Variants in LRP6 observed in about 807,000 individuals in gnomAD.
LRP6 encodes the protein low-density lipoprotein receptor-related protein 6.
A neutral mutation model predicts 184.1 loss-of-function variants in LRP6; 43 were observed. That is an observed-to-expected ratio of 0.23 (90% CI 0.18 to 0.30). The LOEUF is 0.30. Among genes scored for constraint, LRP6 ranks in the 10% least tolerant of loss-of-function variants. The pLI is 1.00. For missense variants in LRP6, 1,571 were observed against 2,005.3 expected, an observed-to-expected ratio of 0.78 and a Z score of 4.14; for synonymous variants, 719 against 684.9, an observed-to-expected ratio of 1.05 and a Z score of -0.78.
At chr12:12,210,279 A>G (rs1358532063) in intron 2 of LRP6, among the ~76,000 whole-genome samples, 1 of 152,190 alleles carries the variant, frequency 6.6e-6, no homozygotes, top group Non-Finnish European at 1.5e-5. Context: ...GGAATGAGAA[A>G]GGATAGACTA....
intron 2 of LRP6, among the ~76,000 whole-genome samples, chr12:12,233,656 C>T (rs550383151): frequency 1.3e-5 from 2 of 152,232 alleles, no homozygotes; most frequent in Admixed American, 1.3e-4. Flanking sequence ...TTTCAAACAA[C>T]CAACTATAAA....
At chr12:12,266,215 G>T (rs1196996473) in intron 1 of LRP6, among the ~76,000 whole-genome samples, 1 of 152,110 alleles carries the variant, frequency 6.6e-6, no homozygotes, top group Non-Finnish European at 1.5e-5. Context: ...AATAGCAAGA[G>T]GGCTTTAAAA....
At chr12:12,189,697 C>T (rs1863562863) in intron 3 of LRP6, among the ~76,000 whole-genome samples, 1 of 152,104 alleles carries the variant, frequency 6.6e-6, no homozygotes. Flanking sequence ...GATGGGGTTT[C>T]ACCATGTTGA....
At chr12:12,264,049 G>C (rs1865696055) in intron 1 of LRP6, among the ~76,000 whole-genome samples, 1 of 151,908 alleles carries the variant, frequency 6.6e-6, no homozygotes, top group Admixed American at 6.6e-5. Context: ...GATGAAGCAG[G>C]AGGATCACTT....
chr12:12,151,284 C>T (rs928105375), intron 12 of LRP6, among the ~76,000 whole-genome samples: 3 of 152,078 alleles, frequency 2.0e-5, no homozygotes, highest in African/African-American at 7.2e-5. Context: ...CTGTTTTTCT[C>T]CATCTTGTCC....
chr12:12,155,314 CT>C, intron 12 of LRP6: 2 of 756,780 alleles, frequency 2.6e-6, no homozygotes, highest in Non-Finnish European at 4.8e-6. Flanking sequence ...TTCTCTAGGC[CT>C]TTTAGAAAGC....
At chr12:12,144,168 G>C (rs1170781138) in intron 15 of LRP6, among the ~76,000 whole-genome samples, 3 of 152,186 alleles carry the variant, frequency 2.0e-5, no homozygotes, top group Non-Finnish European at 4.4e-5. Context: ...TATCTAGAAT[G>C]TACAAAGAAT....
chr12:12,257,536 A>C (rs193247635), intron 1 of LRP6, among the ~76,000 whole-genome samples: 5,954 of 147,360 alleles, frequency 0.04, 167 homozygotes, highest in Middle Eastern at 0.16. Context: ...AGCCGAGATC[A>C]CGCCACTGCA....
At chr12:12,202,012 A>G (rs1653796612) in intron 3 of LRP6, among the ~76,000 whole-genome samples, 1 of 152,218 alleles carries the variant, frequency 6.6e-6, no homozygotes, top group Non-Finnish European at 1.5e-5. Flanking sequence ...ACAGTCACCA[A>G]AAACTCTCAT....
At chr12:12,153,092 A>ACTC (rs1299632767) in intron 12 of LRP6, among the ~76,000 whole-genome samples, 1 of 152,236 alleles carries the variant, frequency 6.6e-6, no homozygotes, top group Non-Finnish European at 1.5e-5. Flanking sequence ...GTAAAAACAC[A>ACTC]TCACACAGAA....
intron 2 of LRP6, among the ~76,000 whole-genome samples, chr12:12,236,923 T>C (rs1386209636): frequency 6.6e-6 from 1 of 151,938 alleles, no homozygotes; most frequent in Non-Finnish European, 1.5e-5. Context: ...GATTTTTTTT[T>C]TGAGGCTTTT....
chr12:12,184,569 C>G (rs879566835), intron 4 of LRP6, among the ~76,000 whole-genome samples: 1 of 152,136 alleles, frequency 6.6e-6, no homozygotes, highest in Admixed American at 6.5e-5. Flanking sequence ...GAGGACATTT[C>G]AAGTATGGTA....
intron 2 of LRP6, 80 bp from the exon 3 acceptor site, chr12:12,203,480 G>A: frequency 1.7e-6 from 2 of 1,206,702 alleles, no homozygotes; most frequent in South Asian, 1.2e-5. Flanking sequence ...ATTAAAGAAA[G>A]CTCAGGCCGC....
chr12:12,244,732 G>A, intron 1 of LRP6, 77 bp from the exon 2 acceptor site: 2 of 1,408,746 alleles, frequency 1.4e-6, no homozygotes, highest in Non-Finnish European at 9.8e-7. Context: ...TTTCAAATCG[G>A]TTTAAGTGAG....
intron 1 of LRP6, among the ~76,000 whole-genome samples, chr12:12,248,624 G>C (rs951314381): frequency 6.6e-6 from 1 of 151,502 alleles, no homozygotes; most frequent in East Asian, 1.9e-4. Flanking sequence ...TGGGACTACA[G>C]GCGCCCGCCA....
At chr12:12,173,375 C>T (rs574834735) in intron 7 of LRP6, among the ~76,000 whole-genome samples, 1 of 152,322 alleles carries the variant, frequency 6.6e-6, no homozygotes, top group Non-Finnish European at 1.5e-5. Context: ...CAGGGTCTTG[C>T]TCTGTTGCCC....
chr12:12,153,520 G>T (rs757425647), intron 12 of LRP6, among the ~76,000 whole-genome samples: 19 of 152,126 alleles, frequency 1.2e-4, no homozygotes, highest in Non-Finnish European at 2.5e-4. Flanking sequence ...TTAAGAGAAA[G>T]CCATATGTGG....
intron 12 of LRP6, among the ~76,000 whole-genome samples, chr12:12,158,096 T>C (rs1862643455): frequency 6.6e-6 from 1 of 152,354 alleles, no homozygotes; most frequent in African/African-American, 2.4e-5. Context: ...CATCAACTGT[T>C]ACTTTATACT....
intron 22 of LRP6, among the ~76,000 whole-genome samples, chr12:12,122,636 C>G (rs1949620099): frequency 6.6e-6 from 1 of 152,056 alleles, no homozygotes; most frequent in Admixed American, 6.5e-5. Flanking sequence ...AAGAAACCAG[C>G]CTGGGCACCA....
Sources: allele counts gnomAD v4.1 joint callset (sites outside exome capture counted in the v4.1 genomes callset), GRCh38; gene constraint gnomAD v4.1.1; transcripts MANE v1.5; gene names NCBI Gene and HGNC (gene_info 2026-07-23, HGNC 2026-07-21).